Variants in AGBL1 observed in about 807,000 individuals in gnomAD.
The protein encoded by AGBL1 is cytosolic carboxypeptidase 4.
A neutral mutation model predicts 118.9 loss-of-function variants in AGBL1; 130 were observed. The ratio of observed to expected loss-of-function variants is 1.09; its 90% CI spans 0.95 to 1.26. The LOEUF (loss-of-function observed/expected upper bound fraction) is 1.26, where lower values mean the gene tolerates loss of function less well. Ranked by LOEUF, AGBL1 falls within the 50% of genes most tolerant of loss-of-function variation. AGBL1 has a pLI of 0.00. For missense variants in AGBL1, 1,584 were observed against 1,298.1 expected, an observed-to-expected ratio of 1.22 and a Z score of -3.38; for synonymous variants, 555 against 478.9, an observed-to-expected ratio of 1.16 and a Z score of -2.08.
intron 1 of AGBL1, among the ~76,000 whole-genome samples, chr15:86,105,691 C>T (rs1270029233): frequency 6.6e-6 from 1 of 152,206 alleles, no homozygotes. Flanking sequence ...TCTTTGAATA[C>T]AACCTCTATG....
intron 18 of AGBL1, among the ~76,000 whole-genome samples, chr15:86,431,881 C>T (rs1259058410): frequency 6.6e-6 from 1 of 152,162 alleles, no homozygotes; most frequent in African/African-American, 2.4e-5. Context: ...TAAATCATCT[C>T]AAAGGCTTCC....
At chr15:86,159,108 C>T (rs2077232149) in intron 5 of AGBL1, 82 bp downstream of exon 5, 1 of 1,306,866 alleles carries the variant, frequency 7.7e-7, no homozygotes, top group African/African-American at 1.5e-5. Flanking sequence ...TTTCATGATG[C>T]TTCCAGCTCA....
chr15:87,023,980 G>A (rs1370365003), intron 24 of AGBL1, among the ~76,000 whole-genome samples: 1 of 151,736 alleles, frequency 6.6e-6, no homozygotes, highest in Non-Finnish European at 1.5e-5. Context: ...AGACACAAAA[G>A]GCAGTGCTAA....
chr15:86,738,751 G>A (rs908441263), intron 22 of AGBL1, among the ~76,000 whole-genome samples: 10 of 152,126 alleles, frequency 6.6e-5, no homozygotes, highest in African/African-American at 2.4e-4. Flanking sequence ...GGCCTAAGAA[G>A]TCTTTAATAT....
At chr15:86,724,464 A>G (rs979400542) in intron 22 of AGBL1, among the ~76,000 whole-genome samples, 2 of 152,250 alleles carry the variant, frequency 1.3e-5, no homozygotes, top group East Asian at 1.9e-4. Context: ...TGTATAGGTG[A>G]TAGCATCATG....
At chr15:86,325,739 C>T (rs1460747320) in intron 17 of AGBL1, among the ~76,000 whole-genome samples, 2 of 152,122 alleles carry the variant, frequency 1.3e-5, no homozygotes, top group East Asian at 3.9e-4. Flanking sequence ...TTTGTTTTCA[C>T]CAGACAAGGC....
intron 18 of AGBL1, among the ~76,000 whole-genome samples, chr15:86,506,939 T>C (rs1384701372): frequency 6.6e-6 from 1 of 152,138 alleles, no homozygotes; most frequent in Non-Finnish European, 1.5e-5. Flanking sequence ...TATTTTCTTT[T>C]ATAAATATAT....
At chr15:86,888,770 A>C (rs1229534940) in intron 22 of AGBL1, among the ~76,000 whole-genome samples, 2 of 152,160 alleles carry the variant, frequency 1.3e-5, no homozygotes, top group African/African-American at 4.8e-5. Context: ...TATTATTTGC[A>C]CGTCTTTCAT....
intron 18 of AGBL1, among the ~76,000 whole-genome samples, chr15:86,409,874 C>T (rs942243148): frequency 6.6e-6 from 1 of 152,070 alleles, no homozygotes; most frequent in Non-Finnish European, 1.5e-5. Context: ...CTCCCCTCCT[C>T]TGATCCTCCT....
intron 22 of AGBL1, among the ~76,000 whole-genome samples, chr15:86,679,104 G>C (rs2085902327): frequency 6.6e-6 from 1 of 152,002 alleles, no homozygotes; most frequent in African/African-American, 2.4e-5. Context: ...TGAGTTGTTA[G>C]CTGCCAAAAC....
At chr15:86,832,642 C>A (rs2123262) in intron 22 of AGBL1, among the ~76,000 whole-genome samples, 18,493 of 152,180 alleles carry the variant, frequency 0.12, 1,461 homozygotes, top group Non-Finnish European at 0.17. Context: ...CATCTGAGAC[C>A]ACCTCAGCCT....
chr15:86,235,238 T>C (rs1476877155), intron 6 of AGBL1, among the ~76,000 whole-genome samples: 1 of 152,250 alleles, frequency 6.6e-6, no homozygotes, highest in Non-Finnish European at 1.5e-5. Flanking sequence ...TATTCATTCT[T>C]CCTTATTTCT....
intron 23 of AGBL1, among the ~76,000 whole-genome samples, chr15:86,980,794 A>G (rs2141720817): frequency 6.6e-6 from 1 of 152,016 alleles, no homozygotes; most frequent in Non-Finnish European, 1.5e-5. Context: ...TTATTTTAAA[A>G]CCACTTATGA....
chr15:86,168,005 G>A (rs980345032), intron 5 of AGBL1, among the ~76,000 whole-genome samples: 1 of 152,202 alleles, frequency 6.6e-6, no homozygotes, highest in Non-Finnish European at 1.5e-5. Context: ...TGCATCATAG[G>A]TATTCAATAA....
At chr15:86,670,994 G>A (rs1203062428) in intron 21 of AGBL1, among the ~76,000 whole-genome samples, 1 of 152,036 alleles carries the variant, frequency 6.6e-6, no homozygotes, top group Non-Finnish European at 1.5e-5. Flanking sequence ...TAGCAGCATT[G>A]GCATCAGAAT....
At chr15:86,149,079 A>G (rs190580707) in intron 3 of AGBL1, among the ~76,000 whole-genome samples, 37 of 152,352 alleles carry the variant, frequency 2.4e-4, no homozygotes, top group African/African-American at 8.4e-4. Flanking sequence ...GAAAATGCTG[A>G]GAGATTTTGT....
intron 21 of AGBL1, among the ~76,000 whole-genome samples, chr15:86,569,860 T>A (rs1269778394): frequency 6.6e-6 from 1 of 152,194 alleles, no homozygotes; most frequent in African/African-American, 2.4e-5. Context: ...GCACTTGGGA[T>A]AATCCTATGA....
intron 1 of AGBL1, among the ~76,000 whole-genome samples, chr15:86,084,629 C>A (rs1360226370): frequency 2.6e-5 from 4 of 152,214 alleles, no homozygotes; most frequent in African/African-American, 9.6e-5. Flanking sequence ...TTACCTTCAT[C>A]TGACTAAACC....
intron 17 of AGBL1, among the ~76,000 whole-genome samples, chr15:86,388,135 C>T (rs545276792): frequency 2.6e-5 from 4 of 152,278 alleles, no homozygotes; most frequent in African/African-American, 7.2e-5. Context: ...TGGGTGCAGA[C>T]AAACCCTGCT....
Sources: allele counts gnomAD v4.1 joint callset (sites outside exome capture counted in the v4.1 genomes callset), GRCh38; gene constraint gnomAD v4.1.1; transcripts MANE v1.5; gene names NCBI Gene and HGNC (gene_info 2026-07-23, HGNC 2026-07-21).